POU2F2: variants seen among roughly 807,000 people sequenced by gnomAD.
POU2F2 encodes the protein POU domain, class 2, transcription factor 2.
POU2F2 carries 14 observed loss-of-function variants against 63.5 expected under a neutral mutation model. The observed-to-expected ratio is 0.22, with a 90% CI of 0.15 to 0.34. POU2F2 has a LOEUF of 0.34. Ranked by LOEUF, POU2F2 falls within the 10% of genes least tolerant of loss-of-function variation. POU2F2 has a pLI of 1.00. For synonymous variants in POU2F2, 306 were observed against 348.6 expected, an observed-to-expected ratio of 0.88 and a Z score of 1.36; for missense variants, 607 against 815.2, an observed-to-expected ratio of 0.74 and a Z score of 3.11.
intron 2 of POU2F2, among the ~76,000 whole-genome samples, chr19:42,149,263 T>C (rs1399813464): frequency 6.6e-6 from 1 of 152,136 alleles, no homozygotes; most frequent in Non-Finnish European, 1.5e-5. Flanking sequence ...CCCAGCTCCA[T>C]CTCTGCGAGT....
chr19:42,114,637 G>C (rs1055065085), intron 5 of POU2F2, among the ~76,000 whole-genome samples: 2 of 152,346 alleles, frequency 1.3e-5, no homozygotes, highest in South Asian at 4.1e-4. Flanking sequence ...AAAAGCAGCA[G>C]CCGCGGATCA....
intron 1 of POU2F2, among the ~76,000 whole-genome samples, chr19:42,187,761 CAA>C (rs745767404): frequency 1.0e-4 from 5 of 49,960 alleles, no homozygotes; most frequent in East Asian, 6.2e-4. Flanking sequence ...GACTCCATCA[CAA>C]AAAAAAAAAA....
chr19:42,118,036 C>T (rs2032150895), intron 4 of POU2F2, among the ~76,000 whole-genome samples: 1 of 152,070 alleles, frequency 6.6e-6, no homozygotes, highest in Admixed American at 6.5e-5. Context: ...GCAATCCTCC[C>T]ACCTCAGCTT....
chr19:42,116,613 A>C (rs1600094629), intron 5 of POU2F2: 1 of 235,810 alleles, frequency 4.2e-6, no homozygotes, highest in East Asian at 1.4e-4. Flanking sequence ...TGGTGGTCAG[A>C]ACAGTCCATG....
chr19:42,169,421 T>C lies in POU2F2; in HGVS notation c.-70+6542A>G, dbSNP rs1030899777. ...GCCTGCACAGACATCTGGGTTTTCA[T>C]ACCTGTGTCTGAGTATGTGTTTACC... On this transcript the variant is annotated intron_variant, in intron 1 of 6. Coordinates refer to the POU2F2 transcript ENST00000524801. This position sits in a 1 kb window ranked among gnomAD's most constrained non-coding sequence, Gnocchi z 4.3. 1.3e-5 allele frequency among the ~76,000 whole-genome samples: 2 copies of C among 152,258 alleles called. No individual in the cohort carries two copies. The highest frequency in any genetic ancestry group is 6.5e-5 in the Admixed American group (1 of 15,292).
chr19:42,134,739 G>A (rs935277322), upstream of POU2F2: 2 of 152,360 alleles, frequency 1.3e-5, no homozygotes, highest in Non-Finnish European at 2.9e-5. Context: ...TCAGGGCTGA[G>A]CGGTAATTAA....
At chr19:42,114,532 C>T (rs2031592702) in intron 5 of POU2F2, among the ~76,000 whole-genome samples, 1 of 152,106 alleles carries the variant, frequency 6.6e-6, no homozygotes, top group Admixed American at 6.5e-5. Context: ...CAGTAAAGGG[C>T]TGTCTATGCT....
rs1414371154 is a variant in POU2F2, at chr19:42,169,772, C to T, written c.-70+6191G>A. Reference sequence around the variant, plus strand: ...TGTGTGTGTGCGTGTGTGTGTGTGTCGGGGTGATATAAACACATGTGCGTG... The same window carrying T: ...TGTGTGTGTGCGTGTGTGTGTGTGTTGGGGTGATATAAACACATGTGCGTG... On this transcript the variant is annotated intron_variant, in intron 1 of 6. Transcript: ENST00000524801. The surrounding 1 kb of genome is among the most constrained non-coding windows in gnomAD (Gnocchi z 4.3). 2.0e-5 allele frequency among the ~76,000 whole-genome samples: 3 copies of T among 151,854 alleles called. No homozygotes were observed. The highest frequency in any genetic ancestry group is 2.4e-5 in the African/African-American group (1 of 41,278).
At chr19:42,149,855 A>G (rs929053476) in intron 2 of POU2F2, among the ~76,000 whole-genome samples, 2 of 152,146 alleles carry the variant, frequency 1.3e-5, no homozygotes, top group African/African-American at 4.8e-5. Flanking sequence ...TGCTCCGGGC[A>G]GAGCTGAGAC....
intron 1 of POU2F2, among the ~76,000 whole-genome samples, chr19:42,125,494 G>A (rs2033116591): frequency 6.6e-6 from 1 of 152,076 alleles, no homozygotes; most frequent in Non-Finnish European, 1.5e-5. Flanking sequence ...CAAGATATAA[G>A]AAGGACAAGA....
Position 42,169,217 on chromosome 19 carries a change from T to G in POU2F2, c.-70+6746A>C, listed in dbSNP as rs2034709447. ...GCATGGCCCTTTCGGTCACCACGTG[T>G]GGCCTCCCTGTGGGATTTCTGAATG... On this transcript the variant is annotated intron_variant, in intron 1 of 6. Coordinates refer to the POU2F2 transcript ENST00000524801. This position sits in a 1 kb window ranked among gnomAD's most constrained non-coding sequence, Gnocchi z 4.3. Among the ~76,000 whole-genome samples the G allele has an allele frequency of 1.3e-5, 2 of 152,240 alleles. No individual in the cohort carries two copies. Among genetic ancestry groups the G allele is most frequent in the South Asian group, 4.1e-4 (2 of 4,838 alleles).
At chr19:42,159,303 AC>A (rs1251894859) in intron 2 of POU2F2, among the ~76,000 whole-genome samples, 1 of 151,956 alleles carries the variant, frequency 6.6e-6, no homozygotes, top group Non-Finnish European at 1.5e-5. Context: ...GCAGTCCCCC[AC>A]CCCATGCATT....
At position 42,162,904 on chromosome 19, in the gene POU2F2, G is replaced by A. The variant is rs1287647818; in HGVS notation, c.-69-2512C>T. ...GGCACCCACAGACACATCAGTACTG[G>A]CATTTCCTGAGTGCTGGTCATGCAC... On this transcript the variant is annotated intron_variant, in intron 1 of 6. Transcript: ENST00000524801. This position sits in a 1 kb window ranked among gnomAD's most constrained non-coding sequence, Gnocchi z 4.1. Among the ~76,000 whole-genome samples, 1 of 152,168 alleles carries A rather than the reference G, an allele frequency of 6.6e-6. No individual in the cohort carries two copies. The highest frequency in any genetic ancestry group is 1.5e-5 in the Non-Finnish European group (1 of 68,022).
intron 1 of POU2F2, among the ~76,000 whole-genome samples, chr19:42,161,790 G>C (rs2034556207): frequency 6.6e-6 from 1 of 152,174 alleles, no homozygotes. Context: ...TGGTCCCTGA[G>C]GGGAGGGAGG....
At chr19:42,154,798 C>T (rs557853902) in intron 2 of POU2F2, among the ~76,000 whole-genome samples, 1 of 152,220 alleles carries the variant, frequency 6.6e-6, no homozygotes, top group East Asian at 1.9e-4. Flanking sequence ...CTCCCCATTC[C>T]CCAGGCCAGA....
intron 2 of POU2F2, among the ~76,000 whole-genome samples, chr19:42,151,718 G>C (rs927588424): frequency 6.6e-6 from 1 of 152,138 alleles, no homozygotes; most frequent in South Asian, 2.1e-4. Context: ...CCTACTAAGG[G>C]AAGACATCTT....
chr19:42,132,514 G>A (rs1332339710), upstream of POU2F2: 5 of 1,144,136 alleles, frequency 4.4e-6, no homozygotes, highest in Non-Finnish European at 5.8e-6. Flanking sequence ...GGAAACCACA[G>A]GGCCGGTCCG....
At position 42,096,035 on chromosome 19, in the gene POU2F2, G is replaced by A; in HGVS notation, c.729+47C>T. The A allele has an allele frequency of 1.2e-6, 2 of 1,610,438 alleles. No individual in the cohort carries two copies. The highest frequency in any genetic ancestry group is 1.7e-4 in the Middle Eastern group (1 of 6,036). On this transcript the variant is annotated intron_variant, in intron 8 of 14. Coordinates refer to ENST00000692977, the MANE Select transcript of POU2F2 (RefSeq NM_001394376.1). The surrounding 1 kb of genome is among the most constrained non-coding windows in gnomAD (Gnocchi z 4.1). ...ACGCCCCTCGCGGCATCTATCAACT[G>A]GCCACGCCCCCACGCCCACCGCCCA...
At position 42,095,334 on chromosome 19, in the gene POU2F2, G is replaced by A. The variant is rs1380425968; in HGVS notation, c.1149C>T (p.Ala383=). The change falls in exon 11 of 15, where the codon GCC becomes GCT. Residue 383 remains alanine (A), a synonymous_variant. Coordinates refer to ENST00000692977, the MANE Select transcript of POU2F2 (RefSeq NM_001394376.1). This position sits in a 1 kb window ranked among gnomAD's most constrained non-coding sequence, Gnocchi z 7.1. ...KEKRINPCSA[A]PMLPSPGKPA... is the part of the protein sequence containing the mutation. ...GCTTCCCTGGGCTGGGCAGCATGGG[G>A]GCCGCACTGCAGGGGTTGATGCGTT... 2 of 1,613,982 alleles carry A rather than the reference G, an allele frequency of 1.2e-6. No individual in the cohort carries two copies. Among genetic ancestry groups the A allele is most frequent in the East Asian group, 4.5e-5 (2 of 44,866 alleles).
Sources: allele counts gnomAD v4.1 joint callset (sites outside exome capture counted in the v4.1 genomes callset), GRCh38; gene constraint gnomAD v4.1.1; non-coding constraint Gnocchi (gnomAD v3.1); transcripts MANE v1.5; gene names NCBI Gene and HGNC (gene_info 2026-07-23, HGNC 2026-07-21).